The following ADAMTS12 variants were observed in gnomAD, a reference collection of about 807,000 sequenced individuals.
ADAMTS12 encodes A disintegrin and metalloproteinase with thrombospondin motifs 12.
Under a neutral mutation model 167.8 loss-of-function variants are expected in ADAMTS12, and 118 were observed. The observed-to-expected ratio is 0.70, with a 90% CI of 0.61 to 0.82. The LOEUF is 0.82. Among genes scored for constraint, ADAMTS12 ranks in the 40% least tolerant of loss-of-function variants. ADAMTS12 has a pLI of 0.00. For synonymous variants in ADAMTS12, 704 were observed against 716.9 expected, an observed-to-expected ratio of 0.98 and a Z score of 0.29; for missense variants, 1,916 against 1,998.8, an observed-to-expected ratio of 0.96 and a Z score of 0.79.
At position 33,576,791 on chromosome 5, in the gene ADAMTS12, G is replaced by A. The variant is rs145508149; in HGVS notation, c.3235C>T (p.Arg1079Cys). 120 of 1,614,072 alleles carry A rather than the reference G, an allele frequency of 7.4e-5. No individual in the cohort carries two copies. Among genetic ancestry groups the A allele is most frequent in the Non-Finnish European group, 9.8e-5 (116 of 1,180,036 alleles). The change falls in exon 19 of 24, where the codon CGC (arginine) becomes TGC (cysteine). Residue 1079 changes from arginine to cysteine, a missense_variant. Arg to Cys is a radical substitution (Grantham distance 180). Transcript: ENST00000504830. ...GTGCTTCCAGTGGAAATGAGATAGC[G>A]AGAGCTCAGCTCAGGTTGGGTTGAG... is the stretch of plus-strand genomic sequence containing the variant. ...DSSTQPELSS[R>C]YLISTGSTSQ...
chr5:33,781,648 C>T lies in ADAMTS12; in HGVS notation c.490-30100G>A, dbSNP rs141886422. Among the ~76,000 whole-genome samples the T allele has an allele frequency of 2.3e-3, 347 of 152,258 alleles. 1 individual carries two copies. Among genetic ancestry groups the T allele is most frequent in the Non-Finnish European group, 2.5e-3 (171 of 68,016 alleles). Reference sequence around the variant, plus strand: ...TGAAAGGTCAACCAGTAAATTTATCCTGCCTGCCCTTGCATTCTTTCTTAT... The same window carrying T: ...TGAAAGGTCAACCAGTAAATTTATCTTGCCTGCCCTTGCATTCTTTCTTAT... On this transcript the variant is annotated intron_variant, in intron 2 of 23. Coordinates refer to ENST00000504830, the MANE Select transcript of ADAMTS12 (RefSeq NM_030955.4).
chr5:33,864,156 C>T (rs1180202436), intron 2 of ADAMTS12, among the ~76,000 whole-genome samples: 1 of 151,962 alleles, frequency 6.6e-6, no homozygotes, highest in African/African-American at 2.4e-5. Flanking sequence ...AAAAAAGCAA[C>T]CCCATCAAAA....
chr5:33,861,309 G>A (rs978528548), intron 2 of ADAMTS12, among the ~76,000 whole-genome samples: 2 of 152,018 alleles, frequency 1.3e-5, no homozygotes, highest in Non-Finnish European at 2.9e-5. Context: ...GACACACATA[G>A]GCTCAAAATA....
At chr5:33,618,641 A>G (rs1360274196) in intron 14 of ADAMTS12, among the ~76,000 whole-genome samples, 2 of 152,040 alleles carry the variant, frequency 1.3e-5, no homozygotes, top group Non-Finnish European at 1.5e-5. Context: ...CTCTTCATCA[A>G]TTTGTCTTCT....
intron 15 of ADAMTS12, 86 bp downstream of exon 15, chr5:33,615,742 A>C (rs1179899410): frequency 2.0e-6 from 3 of 1,523,492 alleles, no homozygotes; most frequent in Non-Finnish European, 2.7e-6. Flanking sequence ...ATTCTGACTT[A>C]ATGTCCCCTA....
chr5:33,760,505 C>T (rs1256839735), intron 2 of ADAMTS12, among the ~76,000 whole-genome samples: 1 of 152,034 alleles, frequency 6.6e-6, no homozygotes, highest in East Asian at 1.9e-4. Context: ...CTGAAAGAAG[C>T]TGGGCTGACA....
intron 15 of ADAMTS12, 112 bp downstream of exon 15, chr5:33,615,716 A>G: frequency 1.4e-6 from 2 of 1,417,510 alleles, no homozygotes; most frequent in East Asian, 2.3e-5. Flanking sequence ...GCTCCTTGCT[A>G]AAAGAGGTTT....
chr5:33,760,767 G>A (rs1346631642), intron 2 of ADAMTS12, among the ~76,000 whole-genome samples: 2 of 152,130 alleles, frequency 1.3e-5, no homozygotes, highest in South Asian at 4.1e-4. Flanking sequence ...TTGAAGCCCT[G>A]AGCAAAAAGA....
chr5:33,696,489 A>G (rs544339283), intron 3 of ADAMTS12, among the ~76,000 whole-genome samples: 10 of 152,188 alleles, frequency 6.6e-5, no homozygotes, highest in Non-Finnish European at 7.4e-5. Flanking sequence ...TGTCCAAAGC[A>G]TTCCGGTTAA....
chr5:33,645,055 T>C (rs1740610542), intron 9 of ADAMTS12, among the ~76,000 whole-genome samples: 1 of 152,038 alleles, frequency 6.6e-6, no homozygotes, highest in Admixed American at 6.6e-5. Flanking sequence ...TATTGGAGTT[T>C]CATGCCACCT....
rs1350661250 is a variant in ADAMTS12 at position 33,744,597 on chromosome 5, C to T, written c.634+6807G>A. Among the ~76,000 whole-genome samples, 4 of 152,160 alleles carry T rather than the reference C, an allele frequency of 2.6e-5. No individual in the cohort carries two copies. The East Asian group carries it at 7.7e-4, about 29-fold the overall frequency. Reference sequence around the variant, plus strand: ...AGACTAGTTAGAAGGCTGCTGCAATCATCCAAGTGAGAGGCGACAGATGCT... The same window carrying T: ...AGACTAGTTAGAAGGCTGCTGCAATTATCCAAGTGAGAGGCGACAGATGCT... On this transcript the variant is annotated intron_variant, in intron 3 of 23. Coordinates refer to ENST00000504830, the MANE Select transcript of ADAMTS12 (RefSeq NM_030955.4).
At chr5:33,579,794 G>A (rs1444831813) in intron 18 of ADAMTS12, among the ~76,000 whole-genome samples, 1 of 152,196 alleles carries the variant, frequency 6.6e-6, no homozygotes, top group Non-Finnish European at 1.5e-5. Flanking sequence ...CATAACATAT[G>A]AAGACAATTA....
chr5:33,657,187 T>C (rs570138036), intron 7 of ADAMTS12, among the ~76,000 whole-genome samples: 1 of 152,272 alleles, frequency 6.6e-6, no homozygotes, highest in Non-Finnish European at 1.5e-5. Flanking sequence ...TTTTAGAAAG[T>C]CCAAATGTTA....
At chr5:33,793,100 G>A (rs1347104985) in intron 2 of ADAMTS12, among the ~76,000 whole-genome samples, 2 of 152,182 alleles carry the variant, frequency 1.3e-5, no homozygotes, top group Non-Finnish European at 2.9e-5. Flanking sequence ...TCAGGACTTT[G>A]GCCTCTTGGC....
intron 2 of ADAMTS12, among the ~76,000 whole-genome samples, chr5:33,865,812 C>T (rs745668923): frequency 6.6e-6 from 1 of 152,146 alleles, no homozygotes; most frequent in South Asian, 2.1e-4. Context: ...TTGCTATACA[C>T]CAACAACGAC....
intron 2 of ADAMTS12, among the ~76,000 whole-genome samples, chr5:33,794,415 G>A (rs577212716): frequency 6.6e-6 from 1 of 152,276 alleles, no homozygotes; most frequent in Admixed American, 6.5e-5. Context: ...TGGAGGTTGC[G>A]CAAGCAGGCA....
chr5:33,847,610 CAA>C (rs534586338), intron 2 of ADAMTS12, among the ~76,000 whole-genome samples: 288 of 145,386 alleles, frequency 2.0e-3, no homozygotes, highest in African/African-American at 7.2e-3. Context: ...GCAACAAGAG[CAA>C]AACTCCATCT....
At chr5:33,629,499 T>G (rs993913790) in intron 13 of ADAMTS12, among the ~76,000 whole-genome samples, 11 of 152,212 alleles carry the variant, frequency 7.2e-5, no homozygotes, top group Admixed American at 6.5e-4. Context: ...ATGGAGCAAC[T>G]AATGTTAAGA....
chr5:33,686,412 C>G (rs529409386), intron 3 of ADAMTS12, among the ~76,000 whole-genome samples: 2 of 152,184 alleles, frequency 1.3e-5, no homozygotes, highest in South Asian at 4.2e-4. Flanking sequence ...GGGTGAGAAG[C>G]GTGTAGAAAA....
Sources: allele counts gnomAD v4.1 joint callset (sites outside exome capture counted in the v4.1 genomes callset), GRCh38; gene constraint gnomAD v4.1.1; transcripts MANE v1.5; gene names NCBI Gene and HGNC (gene_info 2026-07-23, HGNC 2026-07-21).